Variants in SHOC2 observed in about 807,000 individuals in gnomAD.
SHOC2 encodes the protein leucine-rich repeat protein SHOC-2.
A neutral mutation model predicts 50.2 loss-of-function variants in SHOC2; 4 were observed. That is an observed-to-expected ratio of 0.08 (90% confidence interval 0.04 to 0.18). SHOC2 has a LOEUF of 0.18. Among genes scored for constraint, SHOC2 ranks in the 10% least tolerant of loss-of-function variants. The probability of loss-of-function intolerance (pLI) is 1.00; values close to 1 mark genes in which losing one functional copy is unlikely to be tolerated. For synonymous variants in SHOC2, 218 were observed against 244.5 expected (o/e 0.89, Z 1.01); for missense variants, 388 against 669.6 (o/e 0.58, Z 4.64).
At chr10:110,994,736 C>T (rs1848241374) in intron 3 of SHOC2, among the ~76,000 whole-genome samples, 1 of 152,030 alleles carries the variant, frequency 6.6e-6, no homozygotes, top group South Asian at 2.1e-4. Context: ...AGACAGGTCT[C>T]AATAGGTATG....
At chr10:110,956,536 T>G (rs1218862254) in intron 1 of SHOC2, among the ~76,000 whole-genome samples, 1 of 152,230 alleles carries the variant, frequency 6.6e-6, no homozygotes, top group Non-Finnish European at 1.5e-5. Context: ...GATACTTTGC[T>G]GCTTTTTAAA....
Position 110,957,536 on chromosome 10 carries a change from C to A in SHOC2, c.-234-6589C>A, listed in dbSNP as rs564515064. Among the ~76,000 whole-genome samples the A allele has an allele frequency of 5.9e-4, 88 of 149,366 alleles. 1 individual carries two copies. In the South Asian group the frequency reaches 0.016, roughly 27 times the overall value. On this transcript the variant is annotated intron_variant, in intron 1 of 8. Coordinates refer to ENST00000369452, the MANE Select transcript of SHOC2 (RefSeq NM_007373.4). ...CAGATTCTTAATCATGAAGATACCC[C>A]CCCCCCAGCCCACAATTTCCAACTC... is the stretch of plus-strand genomic sequence containing the variant.
intron 1 of SHOC2, among the ~76,000 whole-genome samples, chr10:110,942,138 C>T (rs1847159390): frequency 1.8e-5 from 1 of 56,038 alleles, no homozygotes; most frequent in East Asian, 6.7e-4. Flanking sequence ...TCTTCTGGCT[C>T]TTTGAGTTAC....
chr10:110,959,594 T>C (rs1847534089), intron 1 of SHOC2, among the ~76,000 whole-genome samples: 1 of 152,238 alleles, frequency 6.6e-6, no homozygotes, highest in African/African-American at 2.4e-5. Flanking sequence ...CGGCTCTACA[T>C]AGAATCACCT....
chr10:110,937,601 C>A (rs1296733931), intron 1 of SHOC2, among the ~76,000 whole-genome samples: 2 of 152,146 alleles, frequency 1.3e-5, no homozygotes, highest in Non-Finnish European at 2.9e-5. Context: ...AAGAGGGGAC[C>A]ATACCATCTT....
intron 1 of SHOC2, among the ~76,000 whole-genome samples, chr10:110,926,147 A>G (rs1846768341): frequency 6.6e-6 from 1 of 152,124 alleles, no homozygotes; most frequent in South Asian, 2.1e-4. Context: ...GTTTGAAGGT[A>G]TCCTAGTGCT....
chr10:110,928,282 A>G (rs547342381), intron 1 of SHOC2, among the ~76,000 whole-genome samples: 25 of 152,164 alleles, frequency 1.6e-4, no homozygotes, highest in African/African-American at 4.6e-4. Context: ...ACACTACTGC[A>G]CTCCAGCCTG....
At chr10:110,935,941 T>C (rs1846998745) in intron 1 of SHOC2, among the ~76,000 whole-genome samples, 1 of 152,192 alleles carries the variant, frequency 6.6e-6, no homozygotes, top group Non-Finnish European at 1.5e-5. Context: ...AAGTTTGTTA[T>C]TTTCGATAGT....
chr10:110,961,623 A>T (rs1847573630), intron 1 of SHOC2, among the ~76,000 whole-genome samples: 1 of 152,180 alleles, frequency 6.6e-6, no homozygotes, highest in African/African-American at 2.4e-5. Context: ...AAATCTCATT[A>T]GGTACAAGTG....
At chr10:110,975,542 T>A (rs1454540438) in intron 2 of SHOC2, among the ~76,000 whole-genome samples, 2 of 152,270 alleles carry the variant, frequency 1.3e-5, no homozygotes, top group African/African-American at 4.8e-5. Flanking sequence ...ATGGCTTTGA[T>A]ACTTTTGCAG....
intron 2 of SHOC2, among the ~76,000 whole-genome samples, chr10:110,974,657 T>A: frequency 6.6e-6 from 1 of 152,170 alleles, no homozygotes; most frequent in Non-Finnish European, 1.5e-5. Context: ...TAGTTACACA[T>A]CTTTGTGGCG....
At chr10:110,955,326 G>A (rs1847439138) in intron 1 of SHOC2, among the ~76,000 whole-genome samples, 2 of 152,244 alleles carry the variant, frequency 1.3e-5, no homozygotes, top group South Asian at 4.1e-4. Flanking sequence ...GTTTGGATAT[G>A]GGAAATTAAG....
chr10:110,922,387 C>T (rs933974445), intron 1 of SHOC2, among the ~76,000 whole-genome samples: 2 of 151,974 alleles, frequency 1.3e-5, no homozygotes, highest in Non-Finnish European at 2.9e-5. Flanking sequence ...TTATATTTGC[C>T]TTAAAAATAT....
chr10:110,967,852 TTTTA>T (rs749013410), intron 2 of SHOC2, among the ~76,000 whole-genome samples: 2 of 152,228 alleles, frequency 1.3e-5, no homozygotes, highest in African/African-American at 4.8e-5. Flanking sequence ...GTATACCACA[TTTTA>T]TTTATGCATT....
chr10:111,007,184 A>ATT (rs1371248665), intron 5 of SHOC2, among the ~76,000 whole-genome samples: 2 of 152,110 alleles, frequency 1.3e-5, no homozygotes, highest in African/African-American at 2.4e-5. Flanking sequence ...GAGCATTTAT[A>ATT]TTTTATTCAG....
upstream of SHOC2, chr10:110,919,483 G>T: frequency 2.5e-6 from 1 of 392,738 alleles, no homozygotes; most frequent in Non-Finnish European, 4.5e-6. Flanking sequence ...CGGGCCCACG[G>T]CAGAGGGGTG....
chr10:110,957,358 TG>T (rs1847484054), intron 1 of SHOC2, among the ~76,000 whole-genome samples: 1 of 152,222 alleles, frequency 6.6e-6, no homozygotes, highest in East Asian at 1.9e-4. Flanking sequence ...GAAAGCTTAT[TG>T]CTTTGTTTTG....
chr10:110,988,796 A>G (rs749825054), intron 3 of SHOC2: 1 of 363,362 alleles, frequency 2.8e-6, no homozygotes, highest in Admixed American at 4.4e-5. Flanking sequence ...TATTCTCATA[A>G]AGACAGTTAG....
chr10:110,999,945 A>C (rs1270434167), intron 3 of SHOC2, among the ~76,000 whole-genome samples: 1 of 152,104 alleles, frequency 6.6e-6, no homozygotes, highest in Non-Finnish European at 1.5e-5. Flanking sequence ...CTGATCTCAG[A>C]AAATAATTTA....
Sources: allele counts gnomAD v4.1 joint callset (sites outside exome capture counted in the v4.1 genomes callset), GRCh38; gene constraint gnomAD v4.1.1; transcripts MANE v1.5; gene names NCBI Gene and HGNC (gene_info 2026-07-23, HGNC 2026-07-21).